The following PINX1 variants were observed in gnomAD, a reference collection of about 807,000 sequenced individuals.
PINX1 encodes PIN2 (TERF1) interacting telomerase inhibitor 1.
Under a neutral mutation model 25.4 loss-of-function variants are expected in PINX1, and 34 were observed. That is an observed-to-expected ratio of 1.34 (90% CI 1.02 to 1.78). The LOEUF is 1.78. PINX1 is among the 40% of genes most tolerant of loss of function. The pLI is 0.00. For missense variants in PINX1, 592 were observed against 404.9 expected, an observed-to-expected ratio of 1.46 and a Z score of -3.97; for synonymous variants, 197 against 147.7, an observed-to-expected ratio of 1.33 and a Z score of -2.42.
chr8:10,810,242 A>G (rs1802585785), intron 6 of PINX1, among the ~76,000 whole-genome samples: 1 of 152,244 alleles, frequency 6.6e-6, no homozygotes, highest in Admixed American at 6.5e-5. Flanking sequence ...AGAAGCCTTC[A>G]GACAAGACAC....
intron 6 of PINX1, among the ~76,000 whole-genome samples, chr8:10,797,433 G>A (rs1563216477): frequency 6.6e-6 from 1 of 152,148 alleles, no homozygotes; most frequent in Non-Finnish European, 1.5e-5. Context: ...GTCAACAGTG[G>A]CCTCTCCTGA....
rs578179862 is a variant in PINX1, at chr8:10,813,363, A to T, written c.471+6830T>A. Among the ~76,000 whole-genome samples the T allele has an allele frequency of 5.1e-4, 78 of 152,294 alleles. 1 individual carries two copies. The highest frequency in any genetic ancestry group is 1.9e-3 in the African/African-American group (77 of 41,580). Reference sequence around the variant, plus strand: ...GAGAAACACCCTTGAATTAAAAGGCACTTGAAAAATGAAGGCAATAAAGAG... The same window carrying T: ...GAGAAACACCCTTGAATTAAAAGGCTCTTGAAAAATGAAGGCAATAAAGAG... On this transcript the variant is annotated intron_variant, in intron 6 of 6. Coordinates refer to ENST00000314787, the MANE Select transcript of PINX1 (RefSeq NM_017884.6).
intron 6 of PINX1, among the ~76,000 whole-genome samples, chr8:10,806,860 A>G (rs1802468606): frequency 6.6e-6 from 1 of 152,164 alleles, no homozygotes; most frequent in African/African-American, 2.4e-5. Context: ...CCATGGCCCC[A>G]GCGAGAGGGC....
chr8:10,789,283 C>T (rs1801848386), intron 6 of PINX1, among the ~76,000 whole-genome samples: 1 of 152,102 alleles, frequency 6.6e-6, no homozygotes, highest in African/African-American at 2.4e-5. Context: ...CCTTTTTTTC[C>T]AGATGTAATA....
intron 1 of PINX1, among the ~76,000 whole-genome samples, chr8:10,839,084 T>C (rs1229512621): frequency 6.6e-6 from 1 of 152,116 alleles, no homozygotes; most frequent in Non-Finnish European, 1.5e-5. Flanking sequence ...TCGCTACAGG[T>C]ACAATTCAGA....
chr8:10,821,383 G>A (rs969459067), intron 5 of PINX1, among the ~76,000 whole-genome samples: 19 of 152,296 alleles, frequency 1.2e-4, no homozygotes, highest in African/African-American at 4.3e-4. Flanking sequence ...AGTTTCCTAG[G>A]CAGCAGTACC....
intron 6 of PINX1, among the ~76,000 whole-genome samples, chr8:10,772,018 G>A (rs180676391): frequency 2.0e-5 from 3 of 152,320 alleles, no homozygotes; most frequent in Admixed American, 2.0e-4. Flanking sequence ...GAGGGGACAA[G>A]TCAATTGGAA....
intron 6 of PINX1, among the ~76,000 whole-genome samples, chr8:10,779,725 T>C (rs1378107310): frequency 6.6e-6 from 1 of 152,230 alleles, no homozygotes; most frequent in Non-Finnish European, 1.5e-5. Context: ...TAAGTACTTG[T>C]GGTCCTAAAT....
At chr8:10,805,289 A>G (rs1335628730) in intron 6 of PINX1, among the ~76,000 whole-genome samples, 1 of 152,230 alleles carries the variant, frequency 6.6e-6, no homozygotes, top group African/African-American at 2.4e-5. Context: ...ACGTCAGGGT[A>G]ATAACAACCA....
At chr8:10,804,517 G>A (rs1802375751) in intron 6 of PINX1, among the ~76,000 whole-genome samples, 1 of 152,074 alleles carries the variant, frequency 6.6e-6, no homozygotes. Context: ...CATACGCTGG[G>A]CACTGCTGAC....
intron 6 of PINX1, among the ~76,000 whole-genome samples, chr8:10,807,273 A>C (rs944973577): frequency 6.6e-6 from 1 of 150,616 alleles, no homozygotes; most frequent in African/African-American, 2.4e-5. Context: ...TGACAGCAAA[A>C]CTTACCTTAT....
chr8:10,801,939 A>G (rs1802276126), intron 6 of PINX1, among the ~76,000 whole-genome samples: 1 of 152,168 alleles, frequency 6.6e-6, no homozygotes, highest in Non-Finnish European at 1.5e-5. Flanking sequence ...ATGCACAAGC[A>G]CCACTGGAAT....
chr8:10,825,267 G>GCA, intron 5 of PINX1: 1 of 515,054 alleles, frequency 1.9e-6, no homozygotes, highest in Non-Finnish European at 4.0e-6. Context: ...GCCCTGATAC[G>GCA]CATGACATTC....
intron 6 of PINX1, among the ~76,000 whole-genome samples, chr8:10,790,906 C>A (rs1455351707): frequency 2.0e-5 from 3 of 152,022 alleles, no homozygotes; most frequent in African/African-American, 7.3e-5. Flanking sequence ...AAAAAAAAAT[C>A]CCCCTCCCTC....
chr8:10,839,334 ATTACAGT>A (rs1798498768), intron 1 of PINX1, among the ~76,000 whole-genome samples: 2 of 152,264 alleles, frequency 1.3e-5, no homozygotes, highest in South Asian at 4.1e-4. Flanking sequence ...GGACAATGTG[ATTACAGT>A]TTCAAGTGAT....
intron 1 of PINX1, among the ~76,000 whole-genome samples, chr8:10,838,434 A>G (rs951314677): frequency 2.6e-5 from 4 of 152,232 alleles, no homozygotes; most frequent in Non-Finnish European, 5.9e-5. Context: ...ACACCTCTAT[A>G]CTTCAGACTT....
chr8:10,828,820 A>T (rs542350763), intron 4 of PINX1, among the ~76,000 whole-genome samples: 204 of 152,268 alleles, frequency 1.3e-3, no homozygotes, highest in African/African-American at 4.6e-3. Flanking sequence ...TCTTACCGGG[A>T]TCAATGAGGG....
chr8:10,823,177 G>C (rs888928221), intron 5 of PINX1, among the ~76,000 whole-genome samples: 1 of 152,172 alleles, frequency 6.6e-6, no homozygotes. Flanking sequence ...CTGAGGGGCG[G>C]GGCTGACTGC....
At chr8:10,808,015 C>G (rs1404330446) in intron 6 of PINX1, among the ~76,000 whole-genome samples, 1 of 152,186 alleles carries the variant, frequency 6.6e-6, no homozygotes, top group Non-Finnish European at 1.5e-5. Flanking sequence ...AGGGAAAAAA[C>G]AAAATCACAC....
Sources: gnomAD v4.1 joint callset for allele counts (sites outside exome capture counted in the v4.1 genomes callset) on GRCh38, gnomAD v4.1.1 for gene constraint, MANE v1.5 for transcripts, NCBI Gene and HGNC (gene_info 2026-07-23, HGNC 2026-07-21) for gene names.